SDE2: variants seen among roughly 807,000 people sequenced by gnomAD.
SDE2 encodes the protein splicing regulator SDE2.
In SDE2, 31 loss-of-function variants were observed where a neutral mutation model predicts 46.9. The ratio of observed to expected loss-of-function variants is 0.66; its 90% CI spans 0.50 to 0.89. SDE2 has a LOEUF of 0.89. Ranked by LOEUF, SDE2 falls within the 40% of genes least tolerant of loss-of-function variation. The probability of loss-of-function intolerance (pLI) is 0.00; values close to 1 mark genes in which losing one functional copy is unlikely to be tolerated. For synonymous variants in SDE2, 205 were observed against 204.3 expected, an observed-to-expected ratio of 1.00 and a Z score of -0.03; for missense variants, 542 against 564.4, an observed-to-expected ratio of 0.96 and a Z score of 0.40.
chr1:225,995,307 G>A lies in SDE2; in HGVS notation c.197C>T (p.Ala66Val). 1 of 1,612,340 alleles carries A rather than the reference G, an allele frequency of 6.2e-7. No homozygotes were observed. The stretch of plus-strand genomic sequence containing the variant: ...AAGTCTGGGTTCCAAACTATAAACA[G>A]CTCCATGCTGCACTGTGTCACTGGT... ...INTSDTVQHG[A>V]VYSLEPRLCG... The change falls in exon 2 of 7, where the codon GCT becomes GTT. Residue 66 changes from alanine (A) to valine (V), a missense_variant. By Grantham distance (64) the Ala-to-Val change is moderately conservative. Transcript: ENST00000272091.
intron 6 of SDE2, among the ~76,000 whole-genome samples, chr1:225,986,330 G>A (rs1378936640): frequency 6.8e-6 from 1 of 147,814 alleles, no homozygotes; most frequent in East Asian, 2.0e-4. Flanking sequence ...GTGAGACTCT[G>A]TCATTAAAAA....
At position 225,985,080 on chromosome 1, in the gene SDE2, T is replaced by C; in HGVS notation, c.*222A>G. The C allele has an allele frequency of 1.8e-6, 1 of 551,082 alleles. No homozygotes were observed. Among genetic ancestry groups the C allele is most frequent in the South Asian group, 2.2e-5 (1 of 45,306 alleles). The allele number at this position is 551,082 out of a possible 1,614,324, so 34.1% of individuals were successfully genotyped here. ...AAACCAAAAAATGTGAATAGCCCTA[T>C]ATTTATTAAATACACTATAGAAAAC... is the stretch of plus-strand genomic sequence containing the variant. On this transcript the variant is annotated 3_prime_UTR_variant, in exon 7 of 7. Coordinates refer to ENST00000272091, the MANE Select transcript of SDE2 (RefSeq NM_152608.4).
At chr1:225,992,296 TA>T in intron 4 of SDE2, 101 bp downstream of exon 4, 11 of 747,540 alleles carry the variant, frequency 1.5e-5, no homozygotes, top group East Asian at 5.2e-5. Flanking sequence ...ATCTGTAACC[TA>T]AAAAAAGCTT....
At chr1:225,993,994 C>G (rs1656463463) in intron 2 of SDE2, among the ~76,000 whole-genome samples, 1 of 151,414 alleles carries the variant, frequency 6.6e-6, no homozygotes, top group Admixed American at 6.6e-5. Flanking sequence ...GTCTCAAACT[C>G]CTGGGTTCAA....
Position 225,993,019 on chromosome 1 carries a change from G to C in SDE2, c.239-17C>G, listed in dbSNP as rs1443088405. 1 of 1,404,126 alleles carries C rather than the reference G, an allele frequency of 7.1e-7. No individual in the cohort carries two copies. The highest frequency in any genetic ancestry group is 2.3e-5 in the East Asian group (1 of 43,782). The allele number at this position is 1,404,126 out of a possible 1,614,324, so 87.0% of individuals were successfully genotyped here. On this transcript the variant is annotated splice_polypyrimidine_tract_variant and intron_variant, in intron 2 of 6. Coordinates refer to ENST00000272091, the MANE Select transcript of SDE2 (RefSeq NM_152608.4). ...ATCCAAAACCTGAGCAGATGTATTT[G>C]GAGAAAGCAGGTTAAAATGTGTTCA...
intron 4 of SDE2, among the ~76,000 whole-genome samples, chr1:225,992,185 GAAAA>G (rs368095249): frequency 6.7e-6 from 1 of 148,718 alleles, no homozygotes; most frequent in Non-Finnish European, 1.5e-5. Context: ...GTTTTGGGGG[GAAAA>G]AAAAAAGCCA....
rs188419824 is a variant in SDE2 at position 225,984,070 on chromosome 1, A to T, written c.*1232T>A. 23 of 152,184 alleles carry T rather than the reference A, an allele frequency of 1.5e-4. No homozygotes were observed. The highest frequency in any genetic ancestry group is 1.4e-3 in the Admixed American group (21 of 15,284). 9.4% of individuals were successfully genotyped at this position (152,184 alleles called of 1,614,324 possible). A position where few individuals can be genotyped will look rare whatever the true frequency, so the allele number is the denominator to read the frequency against. On this transcript the variant is annotated 3_prime_UTR_variant, in exon 7 of 7. Coordinates refer to ENST00000272091, the MANE Select transcript of SDE2 (RefSeq NM_152608.4). ...GAGACCAGCCTGGCCAATGTGGTGAAACCCCATCTCTACTAAAAATACAAA... is the reference window on the plus strand; with the variant it reads ...GAGACCAGCCTGGCCAATGTGGTGATACCCCATCTCTACTAAAAATACAAA...
At position 225,999,304 on chromosome 1, in the gene SDE2, C is replaced by A. The variant is rs767777681; in HGVS notation, c.9G>T (p.Glu3Asp). 1 of 1,611,258 alleles carries A rather than the reference C, an allele frequency of 6.2e-7. No homozygotes were observed. The highest frequency in any genetic ancestry group is 8.5e-7 in the Non-Finnish European group (1 of 1,178,972). Residue 3 changes from glutamate to aspartate, a missense_variant, in exon 1 of 7, where the codon GAG (glutamate) becomes GAT (aspartate). This residue lies in a region of SDE2 where 135 missense variants were observed against 106.5 expected (regional missense o/e 1.27). Transcript: ENST00000272091. MAEAAALVWIRGP... is the reference protein window; with the variant it reads MADAAALVWIRGP... ...CGCGAATCCACACCAGCGCCGCGGC[C>A]TCCGCCATGTCACCGACTACCCGAA...
At chr1:225,991,965 G>A (rs971283078) in intron 4 of SDE2, among the ~76,000 whole-genome samples, 1 of 152,178 alleles carries the variant, frequency 6.6e-6, no homozygotes, top group African/African-American at 2.4e-5. Flanking sequence ...CCAAGCACGA[G>A]GTTAGGAGTT....
At chr1:225,993,773 T>TC (rs986961311) in intron 2 of SDE2, among the ~76,000 whole-genome samples, 6 of 152,070 alleles carry the variant, frequency 3.9e-5, no homozygotes, top group Non-Finnish European at 8.8e-5. Flanking sequence ...ATTCTTTTTA[T>TC]CCCCCCTAAG....
chr1:225,983,004 G>C lies in SDE2; in HGVS notation c.*2298C>G, dbSNP rs1398491532. 1 of 151,984 alleles carries C rather than the reference G, an allele frequency of 6.6e-6. No homozygotes were observed. Among genetic ancestry groups the C allele is most frequent in the Non-Finnish European group, 1.5e-5 (1 of 67,988 alleles). The allele number at this position is 151,984 out of a possible 1,614,324, so 9.4% of individuals were successfully genotyped here. On this transcript the variant is annotated 3_prime_UTR_variant, in exon 7 of 7. Coordinates refer to ENST00000272091, the MANE Select transcript of SDE2 (RefSeq NM_152608.4). ...ATTATTAAAACAGTATAGCTAAAGAGCCAATAAATTAAAATACAATTATAA... is the reference window on the plus strand; with the variant it reads ...ATTATTAAAACAGTATAGCTAAAGACCCAATAAATTAAAATACAATTATAA...
chr1:225,996,454 TAAACA>T (rs906018389), intron 1 of SDE2, among the ~76,000 whole-genome samples: 1 of 152,146 alleles, frequency 6.6e-6, no homozygotes, highest in Non-Finnish European at 1.5e-5. Flanking sequence ...AATGGCTTAT[TAAACA>T]AAACAACTGA....
Position 225,992,398 on chromosome 1 carries a change from C to G in SDE2, c.520G>C (p.Gly174Arg). 1 of 1,612,476 alleles carries G rather than the reference C, an allele frequency of 6.2e-7. No homozygotes were observed. The highest frequency in any genetic ancestry group is 8.5e-7 in the Non-Finnish European group (1 of 1,179,284). Residue 174 changes from glycine to arginine, a missense_variant and splice_region_variant, in exon 4 of 7, where the codon GGT becomes CGT. Gly to Arg is a moderately radical substitution (Grantham distance 125, BLOSUM62 -2). This residue lies in a region of SDE2 where 401 missense variants were observed against 437.8 expected (regional missense o/e 0.92). Transcript: ENST00000272091. ...AERLEDSVLK[G>R]MQAASSKMVS... ...CACACTAAGGAATCCTCATTCTCAC[C>G]TTTGAGGACGGAATCCTCCAGACGC...
intron 5 of SDE2, among the ~76,000 whole-genome samples, chr1:225,989,466 T>C (rs1242597733): frequency 6.6e-6 from 1 of 151,390 alleles, no homozygotes; most frequent in Non-Finnish European, 1.5e-5. Flanking sequence ...CCATCTCTAC[T>C]AAAAATACAA....
chr1:225,988,421 T>G (rs780006094), intron 5 of SDE2, 33 bp from the exon 6 acceptor site: 1 of 1,606,786 alleles, frequency 6.2e-7, no homozygotes, highest in Non-Finnish European at 8.5e-7. Context: ...TTAACAGCGT[T>G]TGTAGCTTCT....
chr1:225,997,162 C>CA (rs1303646956), intron 1 of SDE2, among the ~76,000 whole-genome samples: 1 of 151,996 alleles, frequency 6.6e-6, no homozygotes, highest in African/African-American at 2.4e-5. Context: ...GTGGGGGAAA[C>CA]AAAAACAAAA....
Position 225,983,142 on chromosome 1 carries a change from T to A in SDE2, c.*2160A>T, listed in dbSNP as rs1656190546. 6.6e-6 allele frequency: 1 copy of A among 152,324 alleles called. No homozygotes were observed. The highest frequency in any genetic ancestry group is 6.5e-5 in the Admixed American group (1 of 15,298). 9.4% of individuals were successfully genotyped at this position (152,324 alleles called of 1,614,324 possible). ...AACAGATAAAAATGCAAGTCTCAAG[T>A]ATATGTTGTTTAAAGAAACTACTTT... On this transcript the variant is annotated 3_prime_UTR_variant, in exon 7 of 7. Coordinates refer to ENST00000272091, the MANE Select transcript of SDE2 (RefSeq NM_152608.4).
rs558732319 is a variant in SDE2 at position 225,991,273 on chromosome 1, C to T, written c.611G>A (p.Gly204Glu). The T allele has an allele frequency of 3.7e-6, 6 of 1,613,876 alleles. No individual in the cohort carries two copies. The Admixed American group carries it at 6.7e-5, about 18-fold the overall frequency. ...QWPTKSQTDR[G>E]ASAGKRRCFW... ...GCATCTCCTCTTTCCCGCACTGGCT[C>T]CTCTGTCTGTTTGAGATTTAGTAGG... The change falls in exon 5 of 7, where the codon GGA becomes GAA. Residue 204 changes from glycine (G) to glutamate (E), a missense_variant. Physicochemically the swap from Gly to Glu is moderately conservative, Grantham distance 98 (BLOSUM62 -2). Transcript: ENST00000272091.
At chr1:225,989,643 A>C (rs1433630669) in intron 5 of SDE2, among the ~76,000 whole-genome samples, 1 of 151,944 alleles carries the variant, frequency 6.6e-6, no homozygotes, top group African/African-American at 2.4e-5. Context: ...AAAAAAAAAA[A>C]AGAAGGAAAA....
Sources: allele counts gnomAD v4.1 joint callset (sites outside exome capture counted in the v4.1 genomes callset), GRCh38; gene constraint gnomAD v4.1.1; regional missense constraint gnomAD v4.1.1; transcripts MANE v1.5; gene names NCBI Gene and HGNC (gene_info 2026-07-23, HGNC 2026-07-21).